THEMIS: variants seen among roughly 807,000 people sequenced by gnomAD.
The protein encoded by THEMIS is protein THEMIS.
THEMIS carries 37 observed loss-of-function variants against 52.6 expected under a neutral mutation model. The ratio of observed to expected loss-of-function variants is 0.70; its 90% CI spans 0.54 to 0.93. The LOEUF is 0.93. Among genes scored for constraint, THEMIS ranks in the 40% least tolerant of loss-of-function variants. The pLI, the probability that THEMIS is intolerant of heterozygous loss-of-function variation, is 0.00. For missense variants in THEMIS, 808 were observed against 763.1 expected (o/e 1.06, Z -0.69); for synonymous variants, 292 against 272.7 (o/e 1.07, Z -0.70).
chr6:127,697,854 A>G, the THEMIS span, among the ~76,000 whole-genome samples: 1 of 152,126 alleles, frequency 6.6e-6, no homozygotes, highest in East Asian at 1.9e-4. Context: ...ATCAATATCC[A>G]TTCTACTATA....
At chr6:127,826,663 T>A (rs1778517468) in intron 3 of THEMIS, among the ~76,000 whole-genome samples, 1 of 152,184 alleles carries the variant, frequency 6.6e-6, no homozygotes, top group Admixed American at 6.5e-5. Flanking sequence ...GAGGCAAATA[T>A]AAATAGCTCA....
At chr6:127,723,397 G>A (rs1774429711) in intron 4 of THEMIS, among the ~76,000 whole-genome samples, 1 of 151,956 alleles carries the variant, frequency 6.6e-6, no homozygotes, top group South Asian at 2.1e-4. Flanking sequence ...AGTCTCCTTT[G>A]CTGGAGTATC....
Position 127,725,357 on chromosome 6 carries a change from A to G in THEMIS, c.1759-5534T>C, listed in dbSNP as rs191595779. ...TAAAAGAGAATAAAAATCGAATCAC[A>G]TCAAATACAGGCTTGCTGGGAATAT... is the stretch of plus-strand genomic sequence containing the variant. On this transcript the variant is annotated intron_variant, in intron 4 of 5. Transcript: ENST00000368248. Among the ~76,000 whole-genome samples the G allele has an allele frequency of 1.8e-3, 272 of 152,170 alleles. 1 individual carries two copies. Among genetic ancestry groups the G allele is most frequent in the Non-Finnish European group, 3.3e-3 (222 of 67,980 alleles).
intron 1 of THEMIS, among the ~76,000 whole-genome samples, chr6:127,858,141 A>T (rs1779678622): frequency 6.6e-6 from 1 of 152,090 alleles, no homozygotes; most frequent in Middle Eastern, 3.2e-3. Flanking sequence ...AGATAAATTT[A>T]TGTGAGATTT....
intron 4 of THEMIS, among the ~76,000 whole-genome samples, chr6:127,733,891 A>T (rs1774894954): frequency 6.6e-6 from 1 of 152,204 alleles, no homozygotes; most frequent in African/African-American, 2.4e-5. Flanking sequence ...AATCCCATAA[A>T]GTGTAAGGAA....
At chr6:127,810,863 G>A (rs1309509893) in intron 4 of THEMIS, among the ~76,000 whole-genome samples, 8 of 137,700 alleles carry the variant, frequency 5.8e-5, no homozygotes, top group African/African-American at 1.5e-4. Flanking sequence ...ACTCTTAGCA[G>A]TAGGCTGGAA....
chr6:127,719,557 C>T (rs1402906622), intron 5 of THEMIS, 131 bp downstream of exon 5: 3 of 693,428 alleles, frequency 4.3e-6, no homozygotes, highest in African/African-American at 3.7e-5. Flanking sequence ...ATGTGATTGG[C>T]AGAGCAGGGT....
At chr6:127,877,909 T>C (rs1780362955) in intron 1 of THEMIS, among the ~76,000 whole-genome samples, 2 of 152,152 alleles carry the variant, frequency 1.3e-5, no homozygotes, top group African/African-American at 2.4e-5. Flanking sequence ...TATGCCTGTA[T>C]GCATCTGTTC....
At chr6:127,862,949 G>C (rs1420174883) in intron 1 of THEMIS, among the ~76,000 whole-genome samples, 1 of 152,110 alleles carries the variant, frequency 6.6e-6, no homozygotes, top group Non-Finnish European at 1.5e-5. Context: ...GCCCAGCCCA[G>C]TCCAGCACTA....
In THEMIS at chr6:127,759,423, G is replaced by T. The variant is rs951008772; in HGVS notation, c.1759-39600C>A. ...ATTCAACTACCCTCCAAGGGGTGAA[G>T]TTGGGTGTTCAAAGGGTATGAATGT... On this transcript the variant is annotated intron_variant, in intron 4 of 5. Transcript: ENST00000368248. Among the ~76,000 whole-genome samples, 6 of 152,172 alleles carry T rather than the reference G, an allele frequency of 3.9e-5. No individual in the cohort carries two copies. In the East Asian group the frequency reaches 1.2e-3, roughly 29 times the overall value.
At chr6:127,768,181 A>G (rs1431564148) in intron 4 of THEMIS, among the ~76,000 whole-genome samples, 2 of 152,230 alleles carry the variant, frequency 1.3e-5, no homozygotes, top group African/African-American at 4.8e-5. Flanking sequence ...ATTCACACAG[A>G]TTATAAATTA....
chr6:127,812,999 T>C lies in THEMIS; in HGVS notation c.1642A>G (p.Ser548Gly). Residue 548 changes from serine to glycine, a missense_variant, in exon 4 of 6, where the codon AGC becomes GGC. Transcript: ENST00000368248. ...CGAGGTGGGGGATGTGAGGCTGAGC[T>C]TTCATATCTCCGCATCATGTAATAT... ...EQYYMMRRYE[S>G]SASHPPPRPP... 6.2e-7 allele frequency: 1 copy of C among 1,614,032 alleles called. No individual in the cohort carries two copies. Among genetic ancestry groups the C allele is most frequent in the Non-Finnish European group, 8.5e-7 (1 of 1,179,988 alleles).
At chr6:127,824,868 T>C (rs911634313) in intron 3 of THEMIS, among the ~76,000 whole-genome samples, 4 of 152,098 alleles carry the variant, frequency 2.6e-5, no homozygotes, top group South Asian at 2.1e-4. Context: ...GAGCTTGCAG[T>C]GAGCGGAGAT....
At chr6:127,757,618 G>C (rs1336168532) in intron 4 of THEMIS, among the ~76,000 whole-genome samples, 3 of 152,108 alleles carry the variant, frequency 2.0e-5, no homozygotes, top group African/African-American at 7.2e-5. Flanking sequence ...GATTAGCTGG[G>C]ACTACAGGCG....
chr6:127,727,270 A>T lies in THEMIS; in HGVS notation c.1759-7447T>A, dbSNP rs372594419. 2.6e-5 allele frequency among the ~76,000 whole-genome samples: 4 copies of T among 152,196 alleles called. No homozygotes were observed. In the East Asian group the frequency reaches 7.7e-4, roughly 29 times the overall value. On this transcript the variant is annotated intron_variant, in intron 4 of 5. Coordinates refer to ENST00000368248, the MANE Select transcript of THEMIS (RefSeq NM_001010923.3). ...TTTAATGGGAAATCATAACTCTTAG[A>T]GTCTGTAAGTGTAATCTGTAGCCAA...
At chr6:127,776,622 G>T (rs1271883305) in intron 4 of THEMIS, among the ~76,000 whole-genome samples, 1 of 152,180 alleles carries the variant, frequency 6.6e-6, no homozygotes, top group Admixed American at 6.5e-5. Flanking sequence ...TAGAACCACC[G>T]AGTTAAGCTG....
intron 1 of THEMIS, among the ~76,000 whole-genome samples, chr6:127,875,289 G>A (rs1350359436): frequency 1.3e-5 from 2 of 152,196 alleles, no homozygotes; most frequent in African/African-American, 4.8e-5. Context: ...TTAAATAAAT[G>A]TGTGTATGTG....
chr6:127,709,130 A>T lies in THEMIS; in HGVS notation c.*855T>A, dbSNP rs1412755453. The T allele has an allele frequency of 2.0e-5, 3 of 152,060 alleles. No individual in the cohort carries two copies. The highest frequency in any genetic ancestry group is 4.4e-5 in the Non-Finnish European group (3 of 67,982). 9.4% of individuals were successfully genotyped at this position (152,060 alleles called of 1,614,324 possible). A position where few individuals can be genotyped will look rare whatever the true frequency, so the allele number is the denominator to read the frequency against. On this transcript the variant is annotated 3_prime_UTR_variant, in exon 6 of 6. Transcript: ENST00000368248. ...CTATAAGAGCATCATTCTGATGTAT[A>T]CTAATTAAGAATCACTTTGGTTTCT...
intron 1 of THEMIS, among the ~76,000 whole-genome samples, chr6:127,899,813 A>C (rs1057497959): frequency 4.0e-5 from 6 of 151,152 alleles, no homozygotes; most frequent in African/African-American, 1.2e-4. Flanking sequence ...GATTCCAAAA[A>C]TCAACTTACA....
Sources: gnomAD v4.1 joint callset for allele counts (sites outside exome capture counted in the v4.1 genomes callset) on GRCh38, gnomAD v4.1.1 for gene constraint, MANE v1.5 for transcripts, NCBI Gene and HGNC (gene_info 2026-07-23, HGNC 2026-07-21) for gene names.